Variants in MAP4 observed in about 807,000 individuals in gnomAD.
MAP4 encodes microtubule associated protein 4, also known as microtubule-associated protein 4.
Under a neutral mutation model 170.2 loss-of-function variants are expected in MAP4, and 76 were observed. That is an observed-to-expected ratio of 0.45 (90% CI 0.37 to 0.54). MAP4 has a LOEUF of 0.54. Among genes scored for constraint, MAP4 ranks in the 20% least tolerant of loss-of-function variants. The pLI is 0.00. For synonymous variants in MAP4, 909 were observed against 994.5 expected (o/e 0.91, Z 1.62); for missense variants, 2,506 against 2,748.0 (o/e 0.91, Z 1.97).
intron 1 of MAP4, among the ~76,000 whole-genome samples, chr3:48,034,602 T>C (rs2100117852): frequency 6.7e-6 from 1 of 150,170 alleles, no homozygotes; most frequent in African/African-American, 2.5e-5. Context: ...TACTTGGGAG[T>C]ATGAGGCATG....
At chr3:47,966,582 T>C (rs1037371828) in intron 3 of MAP4, among the ~76,000 whole-genome samples, 1 of 152,000 alleles carries the variant, frequency 6.6e-6, no homozygotes, top group African/African-American at 2.4e-5. Flanking sequence ...GGTCTTCCTA[T>C]AGTGCCTAGG....
At chr3:47,879,753 A>G (rs1212279459) in intron 10 of MAP4, among the ~76,000 whole-genome samples, 1 of 152,114 alleles carries the variant, frequency 6.6e-6, no homozygotes, top group Non-Finnish European at 1.5e-5. Flanking sequence ...TACAATCAAT[A>G]GGGCTTCTTC....
At chr3:48,006,404 T>C (rs1409234056) in intron 1 of MAP4, among the ~76,000 whole-genome samples, 1 of 152,148 alleles carries the variant, frequency 6.6e-6, no homozygotes, top group East Asian at 1.9e-4. Flanking sequence ...CCAGTTAAAC[T>C]AGGGGCTCAT....
intron 4 of MAP4, among the ~76,000 whole-genome samples, chr3:47,924,637 G>A (rs1036991881): frequency 2.6e-5 from 4 of 152,228 alleles, no homozygotes; most frequent in East Asian, 3.9e-4. Context: ...GCAGTCCAGC[G>A]GTTGGCCAGG....
chr3:48,032,215 T>C (rs1335766617), intron 1 of MAP4, among the ~76,000 whole-genome samples: 1 of 152,028 alleles, frequency 6.6e-6, no homozygotes, highest in Non-Finnish European at 1.5e-5. Flanking sequence ...AAAAGGTATT[T>C]AGGTAAAAAT....
At chr3:48,003,106 C>A (rs909944797) in intron 1 of MAP4, among the ~76,000 whole-genome samples, 6 of 151,842 alleles carry the variant, frequency 4.0e-5, no homozygotes, top group African/African-American at 1.5e-4. Context: ...AAGACACGCA[C>A]TGAGAGAGTT....
chr3:47,901,413 T>C (rs1484637588), intron 10 of MAP4, among the ~76,000 whole-genome samples: 2 of 152,152 alleles, frequency 1.3e-5, no homozygotes, highest in African/African-American at 4.8e-5. Flanking sequence ...TGCAGAGCAA[T>C]AGGCAATGTT....
At chr3:47,892,455 C>CAGTGAGAG (rs1258272259) in intron 10 of MAP4, 9 of 1,535,000 alleles carry the variant, frequency 5.9e-6, no homozygotes, top group Non-Finnish European at 7.0e-6. Context: ...CCGTACGCGG[C>CAGTGAGAG]AGTGAGAGAG....
rs754154355 is a variant in MAP4 at position 47,911,974 on chromosome 3, G to A, written c.2447C>T (p.Pro816Leu). 3.0e-4 allele frequency: 466 copies of A among 1,536,016 alleles called. 1 individual carries two copies. The highest frequency in any genetic ancestry group is 3.7e-4 in the Non-Finnish European group (426 of 1,146,920). The change falls in exon 9 of 21, where the codon CCT becomes CTT. Residue 816 changes from proline to leucine, a missense_variant. By Grantham distance (98) the Pro-to-Leu change is moderately conservative (BLOSUM62 -3). Transcript: ENST00000683076. The surrounding 1 kb of genome is among the most constrained non-coding windows in gnomAD (Gnocchi z 4.0). ...TCCATATTCTGTACCCATAGTGGTA[G>A]GCTGGCTGGGGAGAACACCTGATTT... ...TQKSGVLPSQPTTMGTEYGLV... is the reference protein window; with the variant it reads ...TQKSGVLPSQLTTMGTEYGLV...
Position 47,852,685 on chromosome 3 carries a change from G to T in MAP4, c.*249C>A. ...AGCAGGGAGATGGGCCCAGGCTGGG[G>T]AGTGAGAGGAGGTGTGGGGCAGGGC... On this transcript the variant is annotated 3_prime_UTR_variant, in exon 21 of 21. Transcript: ENST00000683076. 1 of 1,402,962 alleles carries T rather than the reference G, an allele frequency of 7.1e-7. No homozygotes were observed. 86.9% of individuals were successfully genotyped at this position (1,402,962 alleles called of 1,614,324 possible). A position where few individuals can be genotyped will look rare whatever the true frequency, so the allele number is the denominator to read the frequency against.
chr3:47,950,592 A>C (rs1034666674), intron 3 of MAP4, among the ~76,000 whole-genome samples: 4 of 152,044 alleles, frequency 2.6e-5, no homozygotes, highest in Non-Finnish European at 4.4e-5. Flanking sequence ...AAAAAAAAAA[A>C]CCAAAAACAA....
chr3:47,870,799 C>T lies in MAP4; in HGVS notation c.6294+14G>A. ...GGGGCCAGCATGCCAGGACCCCAAG[C>T]TCCCTGGACCCACCCGGCCTCCTCC... On this transcript the variant is annotated intron_variant, in intron 15 of 20. Coordinates refer to ENST00000683076, the MANE Select transcript of MAP4 (RefSeq NM_001385682.1). The T allele has an allele frequency of 6.6e-7, 1 of 1,525,918 alleles. No individual in the cohort carries two copies. Among genetic ancestry groups the T allele is most frequent in the East Asian group, 2.3e-5 (1 of 44,028 alleles). The allele number at this position is 1,525,918 out of a possible 1,614,324, so 94.5% of individuals were successfully genotyped here.
intron 3 of MAP4, among the ~76,000 whole-genome samples, chr3:47,961,626 A>G (rs1212730983): frequency 3.3e-5 from 5 of 152,168 alleles, no homozygotes; most frequent in African/African-American, 1.2e-4. Context: ...TAATGTAAAC[A>G]TTTCTTCCTA....
intron 1 of MAP4, among the ~76,000 whole-genome samples, chr3:48,006,974 C>T (rs939708765): frequency 6.6e-6 from 1 of 152,250 alleles, no homozygotes; most frequent in Admixed American, 6.5e-5. Context: ...AAGCAATCTG[C>T]CTTCAGCTGG....
chr3:47,940,513 A>G lies in MAP4; in HGVS notation c.293-12163T>C, dbSNP rs368160521. Among the ~76,000 whole-genome samples the G allele has an allele frequency of 1.1e-4, 17 of 152,222 alleles. No homozygotes were observed. In the Middle Eastern group the frequency reaches 9.5e-3, roughly 85 times the overall value. On this transcript the variant is annotated intron_variant, in intron 3 of 20. Transcript: ENST00000683076. ...AAAATACTTACCACTACCACTGGCC[A>G]TCCCTAGAGACTTTGATTCTCCTAT... is the stretch of plus-strand genomic sequence containing the variant.
intron 1 of MAP4, among the ~76,000 whole-genome samples, chr3:48,053,047 C>T (rs1165541957): frequency 6.6e-6 from 1 of 152,156 alleles, no homozygotes; most frequent in African/African-American, 2.4e-5. Flanking sequence ...ATATTATATG[C>T]TTTTACATCT....
At chr3:48,082,797 C>CAAAA (rs1294638726) in intron 1 of MAP4, among the ~76,000 whole-genome samples, 1 of 49,008 alleles carries the variant, frequency 2.0e-5, no homozygotes, top group Non-Finnish European at 4.3e-5. Flanking sequence ...GACTTTGTCT[C>CAAAA]AAAAAAAAAA....
At chr3:48,078,756 T>C (rs944811969) in intron 1 of MAP4, among the ~76,000 whole-genome samples, 3 of 152,136 alleles carry the variant, frequency 2.0e-5, no homozygotes, top group African/African-American at 7.2e-5. Flanking sequence ...AATAAAAATA[T>C]GTTCTTCCCA....
chr3:47,929,742 G>A (rs1250345569), intron 3 of MAP4, among the ~76,000 whole-genome samples: 1 of 147,664 alleles, frequency 6.8e-6, no homozygotes, highest in Admixed American at 6.8e-5. Context: ...ATTAGGCAAA[G>A]ATTTCTTAGA....
Sources: allele counts gnomAD v4.1 joint callset (sites outside exome capture counted in the v4.1 genomes callset), GRCh38; gene constraint gnomAD v4.1.1; non-coding constraint Gnocchi (gnomAD v3.1); transcripts MANE v1.5; gene names NCBI Gene and HGNC (gene_info 2026-07-23, HGNC 2026-07-21).